Variants in SLC3A1 observed in about 807,000 individuals in gnomAD.
The protein encoded by SLC3A1 is solute carrier family 3 member 1.
Under a neutral mutation model 60.3 loss-of-function variants are expected in SLC3A1, and 78 were observed. The ratio of observed to expected loss-of-function variants is 1.29; its 90% CI spans 1.08 to 1.56. SLC3A1 has a LOEUF of 1.56. Among genes scored for constraint, SLC3A1 ranks in the 40% most tolerant of loss-of-function variants. SLC3A1 has a pLI of 0.00. For synonymous variants in SLC3A1, 392 were observed against 307.9 expected (o/e 1.27, Z -2.86); for missense variants, 1,172 against 858.9 (o/e 1.36, Z -4.56).
intron 9 of SLC3A1, 110 bp downstream of exon 9, chr2:44,314,061 A>C (rs758427256): frequency 6.4e-7 from 1 of 1,566,188 alleles, no homozygotes; most frequent in African/African-American, 1.4e-5. Flanking sequence ...TACTCTTTAA[A>C]TCAATCACAG....
chr2:44,320,701 C>A lies in SLC3A1; in HGVS notation c.*62C>A. The A allele has an allele frequency of 1.6e-6, 2 of 1,243,328 alleles. No individual in the cohort carries two copies. Among genetic ancestry groups the A allele is most frequent in the Non-Finnish European group, 2.4e-6 (2 of 843,534 alleles). The allele number at this position is 1,243,328 out of a possible 1,614,324, so 77.0% of individuals were successfully genotyped here. ...GTGGGATTGTAAGCATTTGTAATAG[C>A]TTCATGTACAGCATGCTGCTTGGTG... On this transcript the variant is annotated 3_prime_UTR_variant, in exon 10 of 10. Transcript: ENST00000260649.
chr2:44,316,740 A>C (rs1672473729), intron 9 of SLC3A1, among the ~76,000 whole-genome samples: 1 of 152,234 alleles, frequency 6.6e-6, no homozygotes, highest in African/African-American at 2.4e-5. Flanking sequence ...ACTACACCAC[A>C]TTAGAACTCT....
chr2:44,313,414 C>A (rs1672347581), intron 8 of SLC3A1, among the ~76,000 whole-genome samples: 1 of 152,098 alleles, frequency 6.6e-6, no homozygotes, highest in Non-Finnish European at 1.5e-5. Flanking sequence ...TGTGTGTGCA[C>A]TCATGAGCAA....
intron 7 of SLC3A1, among the ~76,000 whole-genome samples, chr2:44,308,308 G>T (rs1016803166): frequency 1.3e-5 from 2 of 152,152 alleles, no homozygotes; most frequent in Middle Eastern, 3.2e-3. Flanking sequence ...TATTTTTCAA[G>T]ATTGTTTTAG....
At chr2:44,315,187 C>T (rs1672398771) in intron 9 of SLC3A1, 1 of 151,972 alleles carries the variant, frequency 6.6e-6, no homozygotes, top group Non-Finnish European at 1.5e-5. Flanking sequence ...AAGTGATCCG[C>T]CCACCTCGGC....
rs144162964 is a variant in SLC3A1 at position 44,312,634 on chromosome 2, T to C, written c.1381T>C (p.Tyr461His). ...GCTGACTTCGCGTTTGGGGAATCAGTATGTCAACGTGATGAACATGCTTCT... is the reference window on the plus strand; with the variant it reads ...GCTGACTTCGCGTTTGGGGAATCAGCATGTCAACGTGATGAACATGCTTCT... ...SRLTSRLGNQ[Y>H]VNVMNMLLFT... Residue 461 changes from tyrosine to histidine, a missense_variant, in exon 8 of 10, where the codon TAT becomes CAT. Coordinates refer to ENST00000260649, the MANE Select transcript of SLC3A1 (RefSeq NM_000341.4). 704 of 1,613,938 alleles carry C rather than the reference T, an allele frequency of 4.4e-4. 2 individuals carry two copies. Among genetic ancestry groups the C allele is most frequent in the Middle Eastern group, 6.6e-4 (4 of 6,060 alleles).
intron 7 of SLC3A1, among the ~76,000 whole-genome samples, chr2:44,306,067 G>A (rs970446598): frequency 3.9e-5 from 6 of 152,160 alleles, no homozygotes; most frequent in Non-Finnish European, 8.8e-5. Flanking sequence ...TCAGGCTCAG[G>A]GTTTGTTTGT....
At chr2:44,308,411 A>T (rs540232664) in intron 7 of SLC3A1, among the ~76,000 whole-genome samples, 2 of 152,284 alleles carry the variant, frequency 1.3e-5, no homozygotes, top group African/African-American at 4.8e-5. Context: ...GATTGCATTG[A>T]ATCTGTTTAT....
intron 4 of SLC3A1, among the ~76,000 whole-genome samples, chr2:44,290,120 C>T (rs927635457): frequency 8.2e-6 from 1 of 122,454 alleles, no homozygotes; most frequent in Non-Finnish European, 1.6e-5. Flanking sequence ...GTAAGCTGTC[C>T]GACTTTTTTT....
chr2:44,280,864 TG>T lies in SLC3A1; in HGVS notation c.580del (p.Glu194ArgfsTer12). The T allele has an allele frequency of 1.2e-6, 2 of 1,614,186 alleles. No homozygotes were observed. The highest frequency in any genetic ancestry group is 1.7e-6 in the Non-Finnish European group (2 of 1,180,014). ...CCATTTTTGGAACGATGGAAGATTT[TG>T]AGAATCTGGTTGCAGCCATACATGA... ...DPIFGTMEDFENLVAAIHDKG... is the reference protein window; with the variant it reads ...DPIFGTMEDFXNLVAAIHDKG... On this transcript the variant is annotated frameshift_variant, in exon 2 of 10. Coordinates refer to ENST00000260649, the MANE Select transcript of SLC3A1 (RefSeq NM_000341.4). LOFTEE classifies it high-confidence loss of function.
chr2:44,288,811 C>T (rs1420677101), intron 4 of SLC3A1, among the ~76,000 whole-genome samples: 4 of 152,036 alleles, frequency 2.6e-5, no homozygotes, highest in East Asian at 3.8e-4. Flanking sequence ...TATTTAAATC[C>T]TTTGCCCATT....
At chr2:44,289,148 T>C (rs1285270052) in intron 4 of SLC3A1, among the ~76,000 whole-genome samples, 1 of 151,902 alleles carries the variant, frequency 6.6e-6, no homozygotes, top group East Asian at 1.9e-4. Flanking sequence ...TGCCCATTGT[T>C]AAACAGGGTT....
At chr2:44,312,355 A>G (rs1043638917) in intron 7 of SLC3A1, among the ~76,000 whole-genome samples, 1 of 152,130 alleles carries the variant, frequency 6.6e-6, no homozygotes, top group Non-Finnish European at 1.5e-5. Context: ...TTTATTTGCA[A>G]TATCATTGTA....
At chr2:44,296,906 C>T (rs1044752788) in intron 4 of SLC3A1, among the ~76,000 whole-genome samples, 2 of 152,188 alleles carry the variant, frequency 1.3e-5, no homozygotes, top group African/African-American at 4.8e-5. Context: ...TCTGCACAAA[C>T]TCTCTCGCCT....
At chr2:44,307,332 A>T (rs1350974966) in intron 7 of SLC3A1, among the ~76,000 whole-genome samples, 1 of 152,154 alleles carries the variant, frequency 6.6e-6, no homozygotes, top group African/African-American at 2.4e-5. Flanking sequence ...ACATGTTTTC[A>T]ATTCTCTCTG....
intron 9 of SLC3A1, chr2:44,314,558 A>G (rs991951000): frequency 1.6e-4 from 26 of 161,594 alleles, no homozygotes; most frequent in African/African-American, 5.9e-4. Context: ...TAGATGCCAC[A>G]TGGAGATAGT....
At chr2:44,276,686 G>C (rs1671348978) in intron 1 of SLC3A1, among the ~76,000 whole-genome samples, 1 of 151,576 alleles carries the variant, frequency 6.6e-6, no homozygotes, top group Non-Finnish European at 1.5e-5. Flanking sequence ...GCAACATAGG[G>C]AGACCCCGTC....
chr2:44,320,076 C>A (rs1413037502), intron 9 of SLC3A1, 123 bp from the exon 10 acceptor site: 18 of 773,786 alleles, frequency 2.3e-5, no homozygotes, highest in Non-Finnish European at 3.7e-5. Flanking sequence ...TACAATTTGG[C>A]AATTATAAGG....
chr2:44,313,369 T>C (rs548110918), intron 8 of SLC3A1, among the ~76,000 whole-genome samples: 88 of 152,140 alleles, frequency 5.8e-4, no homozygotes, highest in Admixed American at 2.4e-3. Context: ...TTGATTAAGG[T>C]GAAGCTTTTT....
Sources: gnomAD v4.1 joint callset for allele counts (sites outside exome capture counted in the v4.1 genomes callset) on GRCh38, gnomAD v4.1.1 for gene constraint, MANE v1.5 for transcripts, NCBI Gene and HGNC (gene_info 2026-07-23, HGNC 2026-07-21) for gene names.